Variants in SPOCK1 observed in about 807,000 individuals in gnomAD.
The protein encoded by SPOCK1 is testican-1.
A neutral mutation model predicts 55.3 loss-of-function variants in SPOCK1; 23 were observed. That is an observed-to-expected ratio of 0.42 (90% CI 0.30 to 0.59). The LOEUF is 0.59. Ranked by LOEUF, SPOCK1 falls within the 20% of genes least tolerant of loss-of-function variation. The pLI, the probability that SPOCK1 is intolerant of heterozygous loss-of-function variation, is 0.22. For missense variants in SPOCK1, 499 were observed against 552.5 expected, an observed-to-expected ratio of 0.90 and a Z score of 0.97; for synonymous variants, 226 against 221.0, an observed-to-expected ratio of 1.02 and a Z score of -0.20.
At chr5:137,346,998 G>A (rs1318158431) in intron 2 of SPOCK1, among the ~76,000 whole-genome samples, 1 of 152,062 alleles carries the variant, frequency 6.6e-6, no homozygotes, top group Non-Finnish European at 1.5e-5. Context: ...GTTACCTCCA[G>A]GGTCCTTCCA....
In SPOCK1 at chr5:137,171,722, G is replaced by A. The variant is rs192487639; in HGVS notation, c.233-31028C>T. Among the ~76,000 whole-genome samples the A allele has an allele frequency of 2.0e-4, 30 of 152,274 alleles. No homozygotes were observed. In the South Asian group the frequency reaches 2.9e-3, roughly 15 times the overall value. On this transcript the variant is annotated intron_variant, in intron 3 of 10. Transcript: ENST00000394945. ...GGCACACGGTATGCATTCAATGACC[G>A]TTTTTTGACCTGCAGAACTCGTTTC...
chr5:136,975,805 A>G lies in SPOCK1; in HGVS notation c.*2849T>C, dbSNP rs1013783210. 5 of 152,224 alleles carry G rather than the reference A, an allele frequency of 3.3e-5. No homozygotes were observed. The highest frequency in any genetic ancestry group is 5.9e-5 in the Non-Finnish European group (4 of 68,038). 9.4% of individuals were successfully genotyped at this position (152,224 alleles called of 1,614,324 possible). On this transcript the variant is annotated 3_prime_UTR_variant, in exon 11 of 11. Coordinates refer to ENST00000394945, the MANE Select transcript of SPOCK1 (RefSeq NM_004598.4). The stretch of plus-strand genomic sequence containing the variant: ...GCCTAGAATATTGGTAGAAACAAGA[A>G]TACATTCATATGGCAAATAACTAAC...
At chr5:137,286,248 A>G (rs898982624) in intron 2 of SPOCK1, among the ~76,000 whole-genome samples, 1 of 152,212 alleles carries the variant, frequency 6.6e-6, no homozygotes, top group African/African-American at 2.4e-5. Flanking sequence ...ACTTCCCACT[A>G]TATCACATGG....
intron 3 of SPOCK1, among the ~76,000 whole-genome samples, chr5:137,200,159 T>C (rs1321673124): frequency 6.6e-6 from 1 of 152,144 alleles, no homozygotes; most frequent in Admixed American, 6.5e-5. Flanking sequence ...GTTTTCATTG[T>C]CAAATATTTT....
intron 6 of SPOCK1, among the ~76,000 whole-genome samples, chr5:137,063,854 A>C (rs1044335898): frequency 7.2e-5 from 11 of 152,306 alleles, no homozygotes; most frequent in African/African-American, 2.4e-4. Context: ...AGGCACCTCT[A>C]AAAGAACCTA....
intron 2 of SPOCK1, among the ~76,000 whole-genome samples, chr5:137,490,596 G>T (rs911954292): frequency 2.6e-5 from 4 of 152,170 alleles, no homozygotes; most frequent in Admixed American, 6.5e-5. Flanking sequence ...CTTGAGGTGA[G>T]CTGGAGGCAA....
chr5:137,475,292 C>A lies in SPOCK1; in HGVS notation c.186+23081G>T, dbSNP rs1753814391. ...AAAATAACAATATCCAGAAGGACCC[C>A]CCTCGCCCCCAAATGGTAGCAGTAC... On this transcript the variant is annotated intron_variant, in intron 2 of 10. Transcript: ENST00000394945. 2.6e-5 allele frequency among the ~76,000 whole-genome samples: 4 copies of A among 152,074 alleles called. No homozygotes were observed. In the South Asian group the frequency reaches 8.3e-4, roughly 32 times the overall value.
chr5:137,068,657 T>C (rs1416066819), intron 5 of SPOCK1, among the ~76,000 whole-genome samples: 3 of 152,220 alleles, frequency 2.0e-5, no homozygotes, highest in African/African-American at 7.2e-5. Flanking sequence ...TCTTGCATTA[T>C]GGAAGAGGAA....
At chr5:136,993,865 GATTGA>G (rs1750993304) in intron 6 of SPOCK1, among the ~76,000 whole-genome samples, 1 of 152,326 alleles carries the variant, frequency 6.6e-6, no homozygotes, top group Admixed American at 6.5e-5. Flanking sequence ...CGCAGGACCT[GATTGA>G]ATTAAGGTGA....
intron 5 of SPOCK1, among the ~76,000 whole-genome samples, chr5:137,083,353 G>C (rs750203859): frequency 6.6e-6 from 1 of 152,138 alleles, no homozygotes; most frequent in Admixed American, 6.5e-5. Flanking sequence ...CTAAACAAAT[G>C]AACCTGGGTT....
intron 3 of SPOCK1, among the ~76,000 whole-genome samples, chr5:137,250,375 T>C (rs954474552): frequency 5.3e-5 from 8 of 152,226 alleles, no homozygotes; most frequent in Admixed American, 3.3e-4. Flanking sequence ...CAATAATAGA[T>C]AGCCTCAACT....
intron 2 of SPOCK1, among the ~76,000 whole-genome samples, chr5:137,316,457 G>A (rs1383342400): frequency 1.3e-5 from 2 of 152,192 alleles, no homozygotes; most frequent in Admixed American, 1.3e-4. Context: ...TTGATATCAT[G>A]TGATTCAAGG....
At chr5:137,347,916 C>A (rs1159265901) in intron 2 of SPOCK1, among the ~76,000 whole-genome samples, 1 of 152,134 alleles carries the variant, frequency 6.6e-6, no homozygotes, top group Admixed American at 6.5e-5. Flanking sequence ...TGTATGTCCT[C>A]TTGTATAGGA....
At chr5:137,263,242 G>A (rs1472979315) in intron 3 of SPOCK1, among the ~76,000 whole-genome samples, 1 of 152,216 alleles carries the variant, frequency 6.6e-6, no homozygotes, top group Non-Finnish European at 1.5e-5. Context: ...TTTACTGAAA[G>A]ACGCCTCAGA....
chr5:137,258,563 T>G (rs1170685414), intron 3 of SPOCK1, among the ~76,000 whole-genome samples: 3 of 152,228 alleles, frequency 2.0e-5, no homozygotes, highest in African/African-American at 7.2e-5. Context: ...GCTGACATTT[T>G]TTTCCCTATT....
At chr5:137,000,431 C>T (rs1751127119) in intron 6 of SPOCK1, among the ~76,000 whole-genome samples, 1 of 152,162 alleles carries the variant, frequency 6.6e-6, no homozygotes, top group South Asian at 2.1e-4. Context: ...TCCATCATGG[C>T]ATTCTCAGGC....
rs549764209 is a variant in SPOCK1 at position 137,482,277 on chromosome 5, T to C, written c.186+16096A>G. Among the ~76,000 whole-genome samples, 7 of 152,262 alleles carry C rather than the reference T, an allele frequency of 4.6e-5. No individual in the cohort carries two copies. In the South Asian group the frequency reaches 1.5e-3, roughly 32 times the overall value. ...GAAACATCCAAATAGAGCAGAGGCA[T>C]TTGTTCCCCATCTCCACTATCCTAT... On this transcript the variant is annotated intron_variant, in intron 2 of 10. Coordinates refer to ENST00000394945, the MANE Select transcript of SPOCK1 (RefSeq NM_004598.4).
chr5:137,232,086 T>C (rs1756074557), intron 3 of SPOCK1, among the ~76,000 whole-genome samples: 1 of 152,240 alleles, frequency 6.6e-6, no homozygotes, highest in South Asian at 2.1e-4. Flanking sequence ...GTTCTTTACA[T>C]ATTCTCAACA....
chr5:137,452,218 C>T (rs1753269069), intron 2 of SPOCK1, among the ~76,000 whole-genome samples: 2 of 152,176 alleles, frequency 1.3e-5, no homozygotes, highest in African/African-American at 2.4e-5. Context: ...TATTTACATT[C>T]GTGGTATATA....
Sources: gnomAD v4.1 joint callset for allele counts (sites outside exome capture counted in the v4.1 genomes callset) on GRCh38, gnomAD v4.1.1 for gene constraint, MANE v1.5 for transcripts, NCBI Gene and HGNC (gene_info 2026-07-23, HGNC 2026-07-21) for gene names.